Variants in RP1 observed in about 807,000 individuals in gnomAD.
RP1 encodes the protein RP1 axonemal microtubule associated.
In RP1, 16 loss-of-function variants were observed where a neutral mutation model predicts 14.8. The observed-to-expected ratio is 1.08, with a 90% CI of 0.73 to 1.65. The LOEUF (loss-of-function observed/expected upper bound fraction) is 1.65. RP1 is among the 40% of genes most tolerant of loss of function. The pLI is 0.00. For missense variants in RP1, 2,631 were observed against 2,535.0 expected (o/e 1.04, Z -0.81); for synonymous variants, 876 against 883.6 (o/e 0.99, Z 0.15).
At chr8:54,749,238 G>A (rs923234430) in intron 19 of RP1, among the ~76,000 whole-genome samples, 2 of 152,056 alleles carry the variant, frequency 1.3e-5, no homozygotes, top group Non-Finnish European at 2.9e-5. Flanking sequence ...GGCTGAGGCA[G>A]GAGAATGGTG....
intron 24 of RP1, among the ~76,000 whole-genome samples, chr8:54,799,323 A>G (rs1324520244): frequency 6.6e-6 from 1 of 152,062 alleles, no homozygotes; most frequent in African/African-American, 2.4e-5. Flanking sequence ...ACCAAATACC[A>G]TAACAACAGC....
chr8:54,728,137 G>A (rs915515430), intron 17 of RP1, among the ~76,000 whole-genome samples: 4 of 152,102 alleles, frequency 2.6e-5, no homozygotes, highest in African/African-American at 9.7e-5. Flanking sequence ...TCTGATTGCA[G>A]TGGGAGTGGT....
chr8:54,755,646 C>G (rs1444142671), exon 21 of RP1: 2 of 1,536,056 alleles, frequency 1.3e-6, no homozygotes, highest in Non-Finnish European at 1.7e-6. Flanking sequence ...GACGTCTACA[C>G]TGGGCAGCTG....
rs187191160 is a variant in RP1 at position 54,712,867 on chromosome 8, A to G, written c.2211+6212A>G. On this transcript the variant is annotated intron_variant, in intron 15 of 22. Coordinates refer to the RP1 transcript ENST00000636932. ...CTTTCATTATATCTGACTAAGAACC[A>G]CTAGACTGGAATGACATTACCCTTG... is the stretch of plus-strand genomic sequence containing the variant. Among the ~76,000 whole-genome samples, 323 of 152,322 alleles carry G rather than the reference A, an allele frequency of 2.1e-3. 2 individuals are homozygous for G. The highest frequency in any genetic ancestry group is 7.1e-3 in the African/African-American group (297 of 41,562).
chr8:54,593,350 C>G (rs1030100294), intron 1 of RP1, among the ~76,000 whole-genome samples: 116 of 152,184 alleles, frequency 7.6e-4, no homozygotes, highest in African/African-American at 2.7e-3. Flanking sequence ...TGCTGTATTT[C>G]TCTCTCCAGT....
intron 25 of RP1, among the ~76,000 whole-genome samples, chr8:54,838,014 A>G (rs1811703680): frequency 6.6e-6 from 1 of 152,238 alleles, no homozygotes; most frequent in Admixed American, 6.5e-5. Context: ...TGGACTGTAC[A>G]AAAATAAGTG....
At chr8:54,866,791 C>T (rs1401050216) in intron 28 of RP1, among the ~76,000 whole-genome samples, 2 of 152,122 alleles carry the variant, frequency 1.3e-5, no homozygotes, top group Non-Finnish European at 2.9e-5. Flanking sequence ...GACATGAGGG[C>T]AATGAGAGAG....
intron 24 of RP1, among the ~76,000 whole-genome samples, chr8:54,822,384 G>C (rs1183458090): frequency 6.6e-6 from 1 of 152,034 alleles, no homozygotes; most frequent in African/African-American, 2.4e-5. Context: ...ATGTAATTCA[G>C]TATAGCATAG....
At chr8:54,583,912 T>A (rs1804855864) in intron 1 of RP1, among the ~76,000 whole-genome samples, 1 of 152,240 alleles carries the variant, frequency 6.6e-6, no homozygotes, top group Non-Finnish European at 1.5e-5. Flanking sequence ...CTAGTCTTGC[T>A]AGTGGTCTAT....
intron 28 of RP1, among the ~76,000 whole-genome samples, chr8:54,869,134 A>G (rs972984002): frequency 6.6e-6 from 1 of 152,192 alleles, no homozygotes; most frequent in Non-Finnish European, 1.5e-5. Flanking sequence ...TCTTTGAAAT[A>G]TAAAGATAGT....
rs1311652743 is a variant in RP1 at position 54,626,319 on chromosome 8, A to T, written c.2437A>T (p.Thr813Ser). 1.9e-6 allele frequency: 3 copies of T among 1,613,482 alleles called. No homozygotes were observed. The Admixed American group carries it at 5.0e-5, about 27-fold the overall frequency. ...CAATGAATCTAAATATTGCAAAAGT[A>T]CTTTTGAAAACAAAAGTTTATTTCA... is the stretch of plus-strand genomic sequence containing the variant. ...PHNESKYCKS[T>S]FENKSLFHVF... Residue 813 changes from threonine to serine, a missense_variant, in exon 4 of 4, where the codon ACT becomes TCT. Coordinates refer to ENST00000220676, the MANE Select transcript of RP1 (RefSeq NM_006269.2).
intron 1 of RP1, among the ~76,000 whole-genome samples, chr8:54,608,061 T>C (rs971240397): frequency 6.6e-6 from 1 of 152,064 alleles, no homozygotes; most frequent in African/African-American, 2.4e-5. Flanking sequence ...CTGCACCCAC[T>C]GTCTGACACT....
chr8:54,643,950 A>C (rs1161153026), intron 3 of RP1, among the ~76,000 whole-genome samples: 1 of 152,194 alleles, frequency 6.6e-6, no homozygotes. Context: ...TATTCCCAAA[A>C]GTTTTAACCA....
chr8:54,767,754 G>C (rs575767147), intron 22 of RP1, among the ~76,000 whole-genome samples: 7 of 152,262 alleles, frequency 4.6e-5, no homozygotes, highest in African/African-American at 1.4e-4. Context: ...GGAAAGATGG[G>C]ATACATAAAC....
chr8:54,699,333 A>T (rs948866397), intron 12 of RP1: 8 of 399,486 alleles, frequency 2.0e-5, no homozygotes, highest in Non-Finnish European at 3.5e-5. Context: ...TACTGTGGAG[A>T]TGCATTTTAC....
intron 24 of RP1, among the ~76,000 whole-genome samples, chr8:54,807,950 A>C (rs1810898393): frequency 6.7e-6 from 1 of 148,892 alleles, no homozygotes; most frequent in Admixed American, 6.7e-5. Flanking sequence ...CTTTCCTGAG[A>C]GTCCACAGAT....
chr8:54,830,822 C>G (rs1412015471), intron 24 of RP1, among the ~76,000 whole-genome samples: 2 of 152,072 alleles, frequency 1.3e-5, no homozygotes, highest in Non-Finnish European at 2.9e-5. Flanking sequence ...TTTCATCATG[C>G]CAAAAGAAAA....
At chr8:54,870,884 G>C (rs1812575341) in exon 29 of RP1, 1 of 152,030 alleles carries the variant, frequency 6.6e-6, no homozygotes, top group African/African-American at 2.4e-5. Flanking sequence ...AAGCAGGAGA[G>C]CCGGGATGTG....
intron 12 of RP1, among the ~76,000 whole-genome samples, chr8:54,683,041 T>C (rs1405612780): frequency 6.6e-6 from 1 of 152,190 alleles, no homozygotes; most frequent in East Asian, 1.9e-4. Context: ...CCCAACACCA[T>C]TTGTTAAATA....
Sources: gnomAD v4.1 joint callset for allele counts (sites outside exome capture counted in the v4.1 genomes callset) on GRCh38, gnomAD v4.1.1 for gene constraint, MANE v1.5 for transcripts, NCBI Gene and HGNC (gene_info 2026-07-23, HGNC 2026-07-21) for gene names.